Variants in DCUN1D5 observed in about 807,000 individuals in gnomAD.
DCUN1D5 encodes the protein defective in cullin neddylation 1 domain containing 5.
DCUN1D5 carries 10 observed loss-of-function variants against 38.3 expected under a neutral mutation model. That is an observed-to-expected ratio of 0.26 (90% confidence interval 0.16 to 0.44). The LOEUF (loss-of-function observed/expected upper bound fraction) is 0.44, where lower values mean the gene tolerates loss of function less well. DCUN1D5 is among the 20% of genes least tolerant of loss of function. DCUN1D5 has a pLI of 1.00. For synonymous variants in DCUN1D5, 93 were observed against 90.9 expected (o/e 1.02, Z -0.13); for missense variants, 148 against 275.3 (o/e 0.54, Z 3.27).
rs1862327933 is a variant in DCUN1D5 at position 103,073,364 on chromosome 11, T to C, written c.342-6797A>G. ...TCAAAGACTCAAAACAGTAAAAATGTCAATTCTCCCCAAATTTATATGCTA... is the reference window on the plus strand; with the variant it reads ...TCAAAGACTCAAAACAGTAAAAATGCCAATTCTCCCCAAATTTATATGCTA... On this transcript the variant is annotated intron_variant, in intron 4 of 7. Coordinates refer to ENST00000260247, the MANE Select transcript of DCUN1D5 (RefSeq NM_032299.4). This position sits in a 1 kb window ranked among gnomAD's most constrained non-coding sequence, Gnocchi z 4.2. Among the ~76,000 whole-genome samples the C allele has an allele frequency of 6.6e-6, 1 of 152,168 alleles. No homozygotes were observed. The highest frequency in any genetic ancestry group is 2.4e-5 in the African/African-American group (1 of 41,442).
rs1862616977 is a variant in DCUN1D5 at position 103,083,389 on chromosome 11, T to G, written c.179-63A>C. 1.1e-6 allele frequency: 1 copy of G among 933,286 alleles called. No individual in the cohort carries two copies. The highest frequency in any genetic ancestry group is 1.6e-5 in the African/African-American group (1 of 60,804). 57.8% of individuals were successfully genotyped at this position (933,286 alleles called of 1,614,324 possible). ...TATCAACATAAAACATAAATCGTCA[T>G]GCTAAAGGTACCCATGAACACACCA... On this transcript the variant is annotated intron_variant, in intron 2 of 7. Coordinates refer to ENST00000260247, the MANE Select transcript of DCUN1D5 (RefSeq NM_032299.4). This position sits in a 1 kb window ranked among gnomAD's most constrained non-coding sequence, Gnocchi z 4.4.
chr11:103,081,183 A>T (rs1862555770), intron 4 of DCUN1D5, among the ~76,000 whole-genome samples: 1 of 152,200 alleles, frequency 6.6e-6, no homozygotes, highest in Admixed American at 6.5e-5. Flanking sequence ...AAACTTTTAG[A>T]TTTAAAAATA....
Position 103,066,769 on chromosome 11 carries a change from A to G in DCUN1D5, c.342-202T>C, listed in dbSNP as rs1205264968. Among the ~76,000 whole-genome samples the G allele has an allele frequency of 6.6e-6, 1 of 152,158 alleles. No homozygotes were observed. The highest frequency in any genetic ancestry group is 1.9e-4 in the East Asian group (1 of 5,202). Reference sequence around the variant, plus strand: ...TGCAATAAAAAAAGAAAAAAGGGGAAAAAAGAAAACCTGGGAATCAAAGAA... The same window carrying G: ...TGCAATAAAAAAAGAAAAAAGGGGAGAAAAGAAAACCTGGGAATCAAAGAA... On this transcript the variant is annotated intron_variant, in intron 4 of 7. Coordinates refer to ENST00000260247, the MANE Select transcript of DCUN1D5 (RefSeq NM_032299.4). This position sits in a 1 kb window ranked among gnomAD's most constrained non-coding sequence, Gnocchi z 4.7.
intron 4 of DCUN1D5, among the ~76,000 whole-genome samples, chr11:103,076,600 T>G (rs1350187724): frequency 6.6e-6 from 1 of 152,214 alleles, no homozygotes; most frequent in Admixed American, 6.5e-5. Context: ...TTCAGCCTGT[T>G]TCCTCATTTT....
chr11:103,065,676 A>T lies in DCUN1D5; in HGVS notation c.555+593T>A, dbSNP rs1375882621. Among the ~76,000 whole-genome samples, 4 of 152,178 alleles carry T rather than the reference A, an allele frequency of 2.6e-5. No individual in the cohort carries two copies. The highest frequency in any genetic ancestry group is 2.6e-4 in the Admixed American group (4 of 15,278). On this transcript the variant is annotated intron_variant, in intron 6 of 7. Transcript: ENST00000260247. The surrounding 1 kb of genome is among the most constrained non-coding windows in gnomAD (Gnocchi z 4.6). ...GAAAAAAAGAATAGCATCTTCTTAG[A>T]ATCACTGCCTATAGTAGTTGCTATG... is the stretch of plus-strand genomic sequence containing the variant.
chr11:103,076,749 G>T (rs1445539659), intron 4 of DCUN1D5, among the ~76,000 whole-genome samples: 1 of 152,172 alleles, frequency 6.6e-6, no homozygotes, highest in East Asian at 1.9e-4. Flanking sequence ...GAATCCATGT[G>T]TTAAATGCTT....
intron 4 of DCUN1D5, among the ~76,000 whole-genome samples, chr11:103,067,286 C>G (rs141911993): frequency 2.0e-5 from 3 of 152,258 alleles, no homozygotes; most frequent in Non-Finnish European, 2.9e-5. Flanking sequence ...TAGCAAGAAG[C>G]AAGGCAGTCA....
rs773963747 is a variant in DCUN1D5, at chr11:103,066,307, T to A, written c.517A>T (p.Thr173Ser). Residue 173 changes from threonine to serine, a missense_variant, in exon 6 of 8, where the codon ACA becomes TCA. Physicochemically the swap from Thr to Ser is moderately conservative, Grantham distance 58. Transcript: ENST00000260247. The surrounding 1 kb of genome is among the most constrained non-coding windows in gnomAD (Gnocchi z 4.7). ...TAAAATACTGAAAACAGTGGCCATG[T>A]CCTCCCAAGCAGAAGAGCTAACATA... ...KSMLALLLGR[T>S]WPLFSVFYQY... The A allele has an allele frequency of 6.8e-6, 11 of 1,609,364 alleles. No homozygotes were observed. Among genetic ancestry groups the A allele is most frequent in the Admixed American group, 1.7e-5 (1 of 59,448 alleles).
At position 103,062,190 on chromosome 11, in the gene DCUN1D5, C is replaced by A; in HGVS notation, c.*169G>T. 1 of 612,770 alleles carries A rather than the reference C, an allele frequency of 1.6e-6. No homozygotes were observed. The highest frequency in any genetic ancestry group is 1.9e-5 in the African/African-American group (1 of 53,504). 38.0% of individuals were successfully genotyped at this position (612,770 alleles called of 1,614,324 possible). Reference sequence around the variant, plus strand: ...GTCTAAGAAGAGGTGTGGCTCAATGCCCATCACATGTAACAAGAAAAACCT... The same window carrying A: ...GTCTAAGAAGAGGTGTGGCTCAATGACCATCACATGTAACAAGAAAAACCT... On this transcript the variant is annotated 3_prime_UTR_variant, in exon 8 of 8. Coordinates refer to ENST00000260247, the MANE Select transcript of DCUN1D5 (RefSeq NM_032299.4). This position sits in a 1 kb window ranked among gnomAD's most constrained non-coding sequence, Gnocchi z 4.6.
At chr11:103,074,275 T>A (rs189873494) in intron 4 of DCUN1D5, among the ~76,000 whole-genome samples, 4 of 152,258 alleles carry the variant, frequency 2.6e-5, no homozygotes, top group African/African-American at 9.6e-5. Context: ...GTAAAAAAAT[T>A]TATCTTCCAT....
rs1422485004 is a variant in DCUN1D5, at chr11:103,057,190, G to A, written c.*5169C>T. Among the ~76,000 whole-genome samples the A allele has an allele frequency of 2.0e-5, 3 of 152,162 alleles. No homozygotes were observed. ...TCTAAGCCATTTTATTTGCATGACA[G>A]AATAGTAAAGTATATAAACTAACTT... On this transcript the variant is annotated 3_prime_UTR_variant, in exon 8 of 8. Transcript: ENST00000260247. This position sits in a 1 kb window ranked among gnomAD's most constrained non-coding sequence, Gnocchi z 4.8.
Position 103,091,877 on chromosome 11 carries a change from C to G in DCUN1D5, c.-5G>C. 6.2e-7 allele frequency: 1 copy of G among 1,612,180 alleles called. No individual in the cohort carries two copies. Among genetic ancestry groups the G allele is most frequent in the Non-Finnish European group, 8.5e-7 (1 of 1,178,976 alleles). ...TCTCTTCTTCTTCACCGGCATCTTC[C>G]GCCCTCCCCGGCAGGGTGGGCAGGG... On this transcript the variant is annotated 5_prime_UTR_variant, in exon 1 of 8. Coordinates refer to ENST00000260247, the MANE Select transcript of DCUN1D5 (RefSeq NM_032299.4). This position sits in a 1 kb window ranked among gnomAD's most constrained non-coding sequence, Gnocchi z 4.3.
At position 103,054,181 on chromosome 11, in the gene DCUN1D5, A is replaced by G. The variant is rs987802451; in HGVS notation, c.*8178T>C. On this transcript the variant is annotated 3_prime_UTR_variant, in exon 8 of 8. Transcript: ENST00000260247. Reference sequence around the variant, plus strand: ...ATGTCTCCTGTTTACTCCAATGACTAAAAAAGGCTTGACCTCCCACTCTCT... The same window carrying G: ...ATGTCTCCTGTTTACTCCAATGACTGAAAAAGGCTTGACCTCCCACTCTCT... 1 of 152,080 alleles carries G rather than the reference A, an allele frequency of 6.6e-6. No individual in the cohort carries two copies. Among genetic ancestry groups the G allele is most frequent in the Non-Finnish European group, 1.5e-5 (1 of 67,990 alleles). 9.4% of individuals were successfully genotyped at this position (152,080 alleles called of 1,614,324 possible).
In DCUN1D5 at chr11:103,064,770, G is replaced by A. The variant is rs1862094408; in HGVS notation, c.556-393C>T. Among the ~76,000 whole-genome samples, 1 of 151,982 alleles carries A rather than the reference G, an allele frequency of 6.6e-6. No individual in the cohort carries two copies. Among genetic ancestry groups the A allele is most frequent in the African/African-American group, 2.4e-5 (1 of 41,364 alleles). On this transcript the variant is annotated intron_variant, in intron 6 of 7. Coordinates refer to ENST00000260247, the MANE Select transcript of DCUN1D5 (RefSeq NM_032299.4). The surrounding 1 kb of genome is among the most constrained non-coding windows in gnomAD (Gnocchi z 4.5). ...ACTGTTTAGCCACATTTTGAGTTTG[G>A]CATCTTTGGAAACAAGTGAAAGAGT...
Position 103,091,630 on chromosome 11 carries a change from C to A in DCUN1D5, c.86+157G>T. 1 of 1,385,562 alleles carries A rather than the reference C, an allele frequency of 7.2e-7. No individual in the cohort carries two copies. Among genetic ancestry groups the A allele is most frequent in the Non-Finnish European group, 9.9e-7 (1 of 1,006,090 alleles). 85.8% of individuals were successfully genotyped at this position (1,385,562 alleles called of 1,614,324 possible). A position where few individuals can be genotyped will look rare whatever the true frequency, so the allele number is the denominator to read the frequency against. ...CTCGAACACGAGGTCGGGTCGGGCG[C>A]GGAGACTCGCGGTGTTCGGCACCTA... On this transcript the variant is annotated intron_variant, in intron 1 of 7. Transcript: ENST00000260247. The surrounding 1 kb of genome is among the most constrained non-coding windows in gnomAD (Gnocchi z 4.3).
intron 4 of DCUN1D5, among the ~76,000 whole-genome samples, chr11:103,072,770 G>C (rs1458787092): frequency 8.0e-6 from 1 of 125,478 alleles, no homozygotes; most frequent in Non-Finnish European, 1.7e-5. Context: ...GGGGGTGGGG[G>C]GAGGGGGGAG....
chr11:103,065,544 A>G lies in DCUN1D5; in HGVS notation c.555+725T>C, dbSNP rs1275037146. Among the ~76,000 whole-genome samples the G allele has an allele frequency of 6.6e-6, 1 of 152,214 alleles. No homozygotes were observed. Among genetic ancestry groups the G allele is most frequent in the Non-Finnish European group, 1.5e-5 (1 of 68,038 alleles). The stretch of plus-strand genomic sequence containing the variant: ...TGTGCTTTATGAGAAATTATTTCCA[A>G]AGGAAAAAGCATCTGTATTCAAGAT... On this transcript the variant is annotated intron_variant, in intron 6 of 7. Coordinates refer to ENST00000260247, the MANE Select transcript of DCUN1D5 (RefSeq NM_032299.4). This position sits in a 1 kb window ranked among gnomAD's most constrained non-coding sequence, Gnocchi z 4.6.
chr11:103,068,070 A>T (rs1862177282), intron 4 of DCUN1D5, among the ~76,000 whole-genome samples: 2 of 152,176 alleles, frequency 1.3e-5, no homozygotes, highest in South Asian at 4.1e-4. Flanking sequence ...TTTTGGTCCC[A>T]TACTTTTCTC....
At position 103,083,191 on chromosome 11, in the gene DCUN1D5, T is replaced by G; in HGVS notation, c.249+65A>C. 3.8e-6 allele frequency: 3 copies of G among 780,494 alleles called. No individual in the cohort carries two copies. In the East Asian group the frequency reaches 7.8e-5, roughly 20 times the overall value. The allele number at this position is 780,494 out of a possible 1,614,324, so 48.3% of individuals were successfully genotyped here. A position where few individuals can be genotyped will look rare whatever the true frequency, so the allele number is the denominator to read the frequency against. On this transcript the variant is annotated intron_variant, in intron 3 of 7. Transcript: ENST00000260247. The surrounding 1 kb of genome is among the most constrained non-coding windows in gnomAD (Gnocchi z 4.4). ...TCATACAAGATTAAAGTGTCTCGAT[T>G]TTTAGTAATTTACGAATATGCTATA...
Sources: allele counts gnomAD v4.1 joint callset (sites outside exome capture counted in the v4.1 genomes callset), GRCh38; gene constraint gnomAD v4.1.1; non-coding constraint Gnocchi (gnomAD v3.1); transcripts MANE v1.5; gene names NCBI Gene and HGNC (gene_info 2026-07-23, HGNC 2026-07-21).